RNF130: variants seen among roughly 807,000 people sequenced by gnomAD.
The protein encoded by RNF130 is ring finger protein 130.
In RNF130, 21 loss-of-function variants were observed where a neutral mutation model predicts 44.6. The observed-to-expected ratio is 0.47, with a 90% CI of 0.33 to 0.68. RNF130 has a LOEUF of 0.68. Ranked by LOEUF, RNF130 falls within the 30% of genes least tolerant of loss-of-function variation. The pLI, the probability that RNF130 is intolerant of heterozygous loss-of-function variation, is 0.02. For synonymous variants in RNF130, 214 were observed against 210.4 expected, an observed-to-expected ratio of 1.02 and a Z score of -0.15; for missense variants, 479 against 560.6, an observed-to-expected ratio of 0.85 and a Z score of 1.47.
chr5:180,053,911 C>A (rs1240218055), intron 1 of RNF130, among the ~76,000 whole-genome samples: 2 of 151,666 alleles, frequency 1.3e-5, no homozygotes, highest in Non-Finnish European at 2.9e-5. Flanking sequence ...CTCACTGCAA[C>A]CTCTGCCTCC....
intron 7 of RNF130, chr5:179,933,775 G>T: frequency 1.8e-6 from 1 of 553,594 alleles, no homozygotes; most frequent in Non-Finnish European, 3.3e-6. Context: ...CACCTAGGCA[G>T]CATTTTAATT....
chr5:180,036,380 C>T (rs1764249898), intron 2 of RNF130, among the ~76,000 whole-genome samples: 1 of 152,168 alleles, frequency 6.6e-6, no homozygotes, highest in African/African-American at 2.4e-5. Context: ...TCTGTGAAGT[C>T]ACTTCCACAG....
chr5:180,061,093 A>AAG (rs397754353), intron 1 of RNF130, among the ~76,000 whole-genome samples: 7 of 149,802 alleles, frequency 4.7e-5, no homozygotes, highest in African/African-American at 1.7e-4. Flanking sequence ...AAAAAAAAAA[A>AAG]GCTATGTTCA....
At chr5:179,999,383 T>C (rs1763280585) in intron 3 of RNF130, among the ~76,000 whole-genome samples, 2 of 152,192 alleles carry the variant, frequency 1.3e-5, no homozygotes, top group African/African-American at 2.4e-5. Context: ...GCATGGAATA[T>C]CTTTTTTGCA....
intron 2 of RNF130, among the ~76,000 whole-genome samples, chr5:180,028,782 T>A (rs1764053737): frequency 1.3e-5 from 2 of 152,128 alleles, no homozygotes; most frequent in African/African-American, 4.8e-5. Flanking sequence ...TGATTAACTA[T>A]TTTTTTGTAC....
intron 1 of RNF130, among the ~76,000 whole-genome samples, chr5:180,056,870 A>G (rs1764836811): frequency 6.6e-6 from 1 of 152,220 alleles, no homozygotes; most frequent in South Asian, 2.1e-4. Flanking sequence ...CAGTAACATG[A>G]ATTCATCTCA....
At chr5:179,932,165 A>G (rs898324026) in intron 7 of RNF130, among the ~76,000 whole-genome samples, 1 of 152,164 alleles carries the variant, frequency 6.6e-6, no homozygotes, top group Non-Finnish European at 1.5e-5. Context: ...TTCCTTCAGA[A>G]GCAAAGAGCA....
intron 1 of RNF130, among the ~76,000 whole-genome samples, chr5:180,063,108 T>C (rs2113185161): frequency 6.6e-6 from 1 of 152,302 alleles, no homozygotes; most frequent in South Asian, 2.1e-4. Context: ...ATGTCCGTTC[T>C]AAGGATGATG....
chr5:180,067,670 A>T (rs1283318047), intron 1 of RNF130, among the ~76,000 whole-genome samples: 1 of 152,206 alleles, frequency 6.6e-6, no homozygotes, highest in Non-Finnish European at 1.5e-5. Context: ...TTCTCTTGCC[A>T]GCCTATTTAT....
intron 7 of RNF130, among the ~76,000 whole-genome samples, chr5:179,924,839 GCTTC>G (rs1309543014): frequency 5.3e-5 from 8 of 152,000 alleles, no homozygotes; most frequent in African/African-American, 1.9e-4. Context: ...ATTCAAAAAT[GCTTC>G]CTATCTATCC....
intron 6 of RNF130, among the ~76,000 whole-genome samples, chr5:179,969,121 ATTCT>A (rs1185219487): frequency 6.6e-6 from 1 of 152,212 alleles, no homozygotes; most frequent in African/African-American, 2.4e-5. Flanking sequence ...TAAGGAGATC[ATTCT>A]TTCATTCTTT....
chr5:180,031,719 G>T (rs1764134404), intron 2 of RNF130, among the ~76,000 whole-genome samples: 1 of 152,210 alleles, frequency 6.6e-6, no homozygotes, highest in Non-Finnish European at 1.5e-5. Context: ...GCATTTGTGT[G>T]TAAGTCTTTG....
At position 179,955,550 on chromosome 5, in the gene RNF130, T is replaced by C. The variant is rs568149704; in HGVS notation, c.*104A>G. The C allele has an allele frequency of 1.1e-6, 1 of 922,080 alleles. No homozygotes were observed. The highest frequency in any genetic ancestry group is 1.7e-6 in the Non-Finnish European group (1 of 603,338). The allele number at this position is 922,080 out of a possible 1,614,324, so 57.1% of individuals were successfully genotyped here. A position where few individuals can be genotyped will look rare whatever the true frequency, so the allele number is the denominator to read the frequency against. On this transcript the variant is annotated 3_prime_UTR_variant, in exon 9 of 9. Transcript: ENST00000521389. The stretch of plus-strand genomic sequence containing the variant: ...AGCAATTTTATGAAAAAATAAAATG[T>C]ACTAAAAATAAATGCTTGTGTGGCA...
chr5:180,046,682 C>T (rs1317401926), intron 1 of RNF130, among the ~76,000 whole-genome samples: 1 of 152,150 alleles, frequency 6.6e-6, no homozygotes, highest in Non-Finnish European at 1.5e-5. Context: ...AATGCCAGTC[C>T]CACCACTCTT....
intron 2 of RNF130, among the ~76,000 whole-genome samples, chr5:180,021,042 C>CGCACTCTCGACTCACT (rs1554105069): frequency 1.3e-5 from 2 of 151,198 alleles, no homozygotes; most frequent in African/African-American, 4.9e-5. Context: ...AGTGCAGTGG[C>CGCACTCTCGACTCACT]GCAATCTCTG....
chr5:179,988,758 G>A (rs1378853277), intron 3 of RNF130, among the ~76,000 whole-genome samples: 4 of 152,146 alleles, frequency 2.6e-5, no homozygotes, highest in Non-Finnish European at 5.9e-5. Context: ...TGCATGATAT[G>A]ATTTCTATTT....
At chr5:180,057,570 T>C (rs1452946445) in intron 1 of RNF130, among the ~76,000 whole-genome samples, 1 of 151,148 alleles carries the variant, frequency 6.6e-6, no homozygotes, top group Non-Finnish European at 1.5e-5. Flanking sequence ...TCATGTGTAA[T>C]GTGTAATGGA....
intron 1 of RNF130, among the ~76,000 whole-genome samples, chr5:180,046,564 C>T (rs756577529): frequency 7.2e-5 from 11 of 152,308 alleles, no homozygotes; most frequent in South Asian, 4.1e-4. Context: ...GTGATAGCCT[C>T]GGACAGTATT....
chr5:179,933,270 C>T (rs1187707095), intron 7 of RNF130, among the ~76,000 whole-genome samples: 1 of 147,088 alleles, frequency 6.8e-6, no homozygotes, highest in Non-Finnish European at 1.5e-5. Flanking sequence ...ACTATGGATT[C>T]AATTTATTAC....
Sources: gnomAD v4.1 joint callset for allele counts (sites outside exome capture counted in the v4.1 genomes callset) on GRCh38, gnomAD v4.1.1 for gene constraint, MANE v1.5 for transcripts, NCBI Gene and HGNC (gene_info 2026-07-23, HGNC 2026-07-21) for gene names.